The following KIAA1210 variants were observed in gnomAD, a reference collection of about 807,000 sequenced individuals.
KIAA1210 encodes the protein KIAA1210, also known as acrosomal protein KIAA1210.
In KIAA1210, 48 loss-of-function variants were observed where a neutral mutation model predicts 78.9. That is an observed-to-expected ratio of 0.61 (90% confidence interval 0.48 to 0.77). The LOEUF (loss-of-function observed/expected upper bound fraction) is 0.77, where lower values mean the gene tolerates loss of function less well. Ranked by LOEUF, KIAA1210 falls within the 30% of genes least tolerant of loss-of-function variation. The pLI, the probability that KIAA1210 is intolerant of heterozygous loss-of-function variation, is 0.00. For missense variants in KIAA1210, 1,108 were observed against 1,100.0 expected, an observed-to-expected ratio of 1.01 and a Z score of -0.10; for synonymous variants, 406 against 404.5, an observed-to-expected ratio of 1.00 and a Z score of -0.04.
chrX:119,097,385 C>T (rs1927589739), intron 6 of KIAA1210, among the ~76,000 whole-genome samples: 1 of 111,150 alleles, frequency 9.0e-6, no homozygotes, highest in African/African-American at 3.3e-5. Flanking sequence ...AAAATAGTCT[C>T]CTCTGGGCTT....
At chrX:119,100,223 G>A (rs1200906961) in intron 6 of KIAA1210, among the ~76,000 whole-genome samples, 5 of 108,478 alleles carry the variant, frequency 4.6e-5, no homozygotes, top group Admixed American at 9.8e-5. Flanking sequence ...CCAGCTACTC[G>A]GGGGACTGAG....
chrX:119,104,579 T>C (rs1398399117), intron 6 of KIAA1210, among the ~76,000 whole-genome samples: 2 of 112,067 alleles, frequency 1.8e-5, no homozygotes, highest in Non-Finnish European at 3.8e-5. Context: ...TTGACAAACC[T>C]AGACATATGA....
At chrX:119,104,296 A>G (rs1927822803) in intron 6 of KIAA1210, among the ~76,000 whole-genome samples, 1 of 112,125 alleles carries the variant, frequency 8.9e-6, no homozygotes, top group East Asian at 2.8e-4. Context: ...TTTTAACCTA[A>G]TTTCTTTGTT....
At chrX:119,140,006 G>A (rs1327864194) in intron 2 of KIAA1210, among the ~76,000 whole-genome samples, 2 of 111,444 alleles carry the variant, frequency 1.8e-5, no homozygotes, top group Admixed American at 1.9e-4. Context: ...GAAGTCTAGG[G>A]TTATTTTTAG....
chrX:119,098,604 CAAAA>C (rs747325732), intron 6 of KIAA1210, among the ~76,000 whole-genome samples: 1,236 of 39,766 alleles, frequency 0.031, 32 homozygotes, highest in African/African-American at 0.1. Flanking sequence ...GAGACTCCGT[CAAAA>C]AAAAAAAAAA....
chrX:119,141,048 A>G (rs1019637039), intron 2 of KIAA1210, among the ~76,000 whole-genome samples: 2 of 112,325 alleles, frequency 1.8e-5, no homozygotes, highest in African/African-American at 6.5e-5. Flanking sequence ...GGCAAACTCT[A>G]GAGAGGAAGC....
intron 3 of KIAA1210, among the ~76,000 whole-genome samples, chrX:119,115,070 C>G (rs1218605205): frequency 9.0e-6 from 1 of 111,545 alleles, no homozygotes; most frequent in East Asian, 2.8e-4. Context: ...TTCGTTATGA[C>G]TAATTGCTTC....
chrX:119,096,358 G>T, intron 7 of KIAA1210, 136 bp downstream of exon 7: 2 of 536,568 alleles, frequency 3.7e-6, no homozygotes, highest in Non-Finnish European at 2.9e-6. Flanking sequence ...GCTTAGGACA[G>T]CACCCTTGAC....
rs1929179791 is a variant in KIAA1210 at position 119,146,891 on chromosome X, G to T, written c.410+582C>A. Among the ~76,000 whole-genome samples, 3 of 109,491 alleles carry T rather than the reference G, an allele frequency of 2.7e-5. No individual in the cohort carries two copies. The Admixed American group carries it at 2.9e-4, about 11-fold the overall frequency. ...AACAATCTTTCTTCTAAAACTAGGG[G>T]GAAAGAAAAAAAAAACAGGAAAGAA... On this transcript the variant is annotated intron_variant, in intron 2 of 13. Transcript: ENST00000402510.
chrX:119,086,442 A>T (rs1449410103), intron 9 of KIAA1210, 104 bp downstream of exon 9: 2 of 796,437 alleles, frequency 2.5e-6, no homozygotes, highest in Non-Finnish European at 3.6e-6. Flanking sequence ...CAAAGCCACA[A>T]TTCAGTAAAA....
chrX:119,108,481 A>G lies in KIAA1210; in HGVS notation c.358-10T>C. On this transcript the variant is annotated splice_polypyrimidine_tract_variant and intron_variant, in intron 4 of 11. Transcript: ENST00000691062. ...TGGAAATATGGGATCTCTGTGTAAG[A>G]GAGAGAGAAAAAAACTTGAGGATTG... is the stretch of plus-strand genomic sequence containing the variant. 1 of 1,197,788 alleles carries G rather than the reference A, an allele frequency of 8.3e-7. No individual in the cohort carries two copies.
chrX:119,107,490 T>C (rs1414506957), intron 5 of KIAA1210, among the ~76,000 whole-genome samples: 1 of 111,511 alleles, frequency 9.0e-6, no homozygotes, highest in Non-Finnish European at 1.9e-5. Flanking sequence ...TGTTTAAAAC[T>C]GAAGATTGAA....
intron 2 of KIAA1210, among the ~76,000 whole-genome samples, chrX:119,134,098 T>C (rs946681043): frequency 2.6e-4 from 29 of 111,512 alleles, no homozygotes; most frequent in African/African-American, 9.5e-4. Context: ...TATGTTTGTA[T>C]TAACCAACCT....
At chrX:119,126,632 A>T (rs1044796768) in intron 1 of KIAA1210, among the ~76,000 whole-genome samples, 1 of 112,073 alleles carries the variant, frequency 8.9e-6, no homozygotes, top group Non-Finnish European at 1.9e-5. Context: ...CGCCTTTCTT[A>T]TCATATGCAG....
In KIAA1210 at chrX:119,105,069, C is replaced by G. The variant is rs1401695954; in HGVS notation, c.571G>C (p.Glu191Gln). 2 of 1,209,494 alleles carry G rather than the reference C, an allele frequency of 1.7e-6. No homozygotes were observed. The highest frequency in any genetic ancestry group is 2.2e-6 in the Non-Finnish European group (2 of 894,151). The change falls in exon 6 of 12, where the codon GAA (glutamate) becomes CAA (glutamine). Residue 191 changes from glutamate (E) to glutamine (Q), a missense_variant. By Grantham distance (29) the Glu-to-Gln change is conservative. Around this residue, in one of 5 missense-constraint regions of KIAA1210, gnomAD observed 672 missense variants for 607.1 expected, o/e 1.11. Coordinates refer to ENST00000691062, the MANE Select transcript of KIAA1210 (RefSeq NM_001394962.1). ...GGTGACTCATCATCGAGAGAGATTT[C>G]TACCAAGTTCTTAGAAATTATTTCA... ...QPEIISKNLVEISLDDESPKN... is the reference protein window; with the variant it reads ...QPEIISKNLVQISLDDESPKN...
chrX:119,125,729 ATATATATTT>A (rs1167735898), intron 1 of KIAA1210, among the ~76,000 whole-genome samples: 5 of 7,127 alleles, frequency 7.0e-4, no homozygotes, highest in Admixed American at 4.6e-3. Context: ...ATATATATAT[ATATATATTT>A]TTTTTTTTTT....
intron 2 of KIAA1210, among the ~76,000 whole-genome samples, chrX:119,145,618 A>C (rs1929149681): frequency 9.0e-6 from 1 of 111,328 alleles, no homozygotes; most frequent in Admixed American, 9.6e-5. Flanking sequence ...GAGCACATCC[A>C]GCTGTTAAGA....
chrX:119,105,187 T>C, intron 5 of KIAA1210, 40 bp from the exon 6 acceptor site: 2 of 1,126,315 alleles, frequency 1.8e-6, no homozygotes, highest in Non-Finnish European at 2.4e-6. Context: ...TTAAAACCTG[T>C]GCTCTCTTCC....
chrX:119,128,016 G>A (rs1928693179), upstream of KIAA1210, among the ~76,000 whole-genome samples: 1 of 111,224 alleles, frequency 9.0e-6, no homozygotes, highest in African/African-American at 3.3e-5. Flanking sequence ...GCACTGCAGG[G>A]CTCTGTCCTT....
Sources: allele counts gnomAD v4.1 joint callset (sites outside exome capture counted in the v4.1 genomes callset), GRCh38; gene constraint gnomAD v4.1.1; regional missense constraint gnomAD v4.1.1; transcripts MANE v1.5; gene names NCBI Gene and HGNC (gene_info 2026-07-23, HGNC 2026-07-21).